FAM47E: variants seen among roughly 807,000 people sequenced by gnomAD.
FAM47E encodes the protein protein FAM47E.
FAM47E carries 32 observed loss-of-function variants against 41.6 expected under a neutral mutation model. The ratio of observed to expected loss-of-function variants is 0.77; its 90% CI spans 0.58 to 1.03. The LOEUF is 1.03. Among genes scored for constraint, FAM47E ranks in the 50% least tolerant of loss-of-function variants. FAM47E has a pLI of 0.00. For missense variants in FAM47E, 424 were observed against 485.4 expected (o/e 0.87, Z 1.19); for synonymous variants, 184 against 188.7 (o/e 0.98, Z 0.20).
intron 2 of FAM47E, among the ~76,000 whole-genome samples, chr4:76,234,136 T>G (rs1578756193): frequency 6.7e-6 from 1 of 148,986 alleles, no homozygotes; most frequent in African/African-American, 2.5e-5. Flanking sequence ...GAGGGGAGGG[T>G]GGAGGGGAGC....
At chr4:76,266,580 T>A (rs111455741) in intron 3 of FAM47E, among the ~76,000 whole-genome samples, 248 of 152,268 alleles carry the variant, frequency 1.6e-3, no homozygotes, top group African/African-American at 5.8e-3. Context: ...TACTAACTGG[T>A]CTCATGGCCT....
intron 2 of FAM47E, among the ~76,000 whole-genome samples, chr4:76,242,318 C>T (rs998035388): frequency 1.3e-5 from 2 of 152,072 alleles, no homozygotes; most frequent in Non-Finnish European, 2.9e-5. Flanking sequence ...ATGTGTGGCA[C>T]CTCCTCCCTC....
Position 76,226,106 on chromosome 4 carries a change from C to T in FAM47E, c.81+8418C>T, listed in dbSNP as rs1360740356. ...AGGTCGTGGTGGCTATGAAGTCCGA[C>T]GGAGTCAAAGGAATGAGACAAGACA... On this transcript the variant is annotated intron_variant, in intron 2 of 7. Transcript: ENST00000510197. 9.7e-5 allele frequency among the ~76,000 whole-genome samples: 8 copies of T among 82,468 alleles called. No homozygotes were observed. In the South Asian group the frequency reaches 1.2e-3, roughly 13 times the overall value. The allele number at this position is 82,468 out of a possible 152,430, so 54.1% of individuals were successfully genotyped here.
intron 1 of FAM47E, among the ~76,000 whole-genome samples, chr4:76,217,312 C>T (rs1733225855): frequency 6.6e-6 from 1 of 152,154 alleles, no homozygotes; most frequent in South Asian, 2.1e-4. Flanking sequence ...CAGGACTCTT[C>T]CTGGTGACTT....
intron 5 of FAM47E, among the ~76,000 whole-genome samples, chr4:76,277,136 G>T (rs146401676): frequency 3.9e-5 from 6 of 152,102 alleles, no homozygotes; most frequent in Admixed American, 6.5e-5. Context: ...TGAGGAATCG[G>T]GGAAAGAAGG....
chr4:76,262,369 C>G (rs1346296721), intron 2 of FAM47E, among the ~76,000 whole-genome samples: 2 of 152,140 alleles, frequency 1.3e-5, no homozygotes, highest in Admixed American at 6.5e-5. Context: ...TAATCTATCT[C>G]TCTTATACAT....
intron 5 of FAM47E, among the ~76,000 whole-genome samples, chr4:76,276,355 C>CTTTTTGTTT (rs372327970): frequency 2.0e-4 from 20 of 97,878 alleles, no homozygotes; most frequent in Admixed American, 3.2e-4. Flanking sequence ...GAGGGGGTTA[C>CTTTTTGTTT]TTTTTTTTGT....
At chr4:76,225,936 A>G (rs1007933124) in intron 2 of FAM47E, among the ~76,000 whole-genome samples, 1 of 152,190 alleles carries the variant, frequency 6.6e-6, no homozygotes, top group African/African-American at 2.4e-5. Context: ...CTCATTCTCT[A>G]TCATTGGAAT....
At chr4:76,233,584 A>G (rs1333325123) in intron 2 of FAM47E, among the ~76,000 whole-genome samples, 2 of 15,778 alleles carry the variant, frequency 1.3e-4, no homozygotes, top group African/African-American at 2.1e-4. Flanking sequence ...ACACACACAC[A>G]CGCACACACA....
rs191594829 is a variant in FAM47E at position 76,252,528 on chromosome 4, T to G, written c.74+708T>G. ...CCTTAGGCAAGTTGGTTGCTCCTTCTGGGCTCACTTTCCTAACTATAAAAT... is the reference window on the plus strand; with the variant it reads ...CCTTAGGCAAGTTGGTTGCTCCTTCGGGGCTCACTTTCCTAACTATAAAAT... On this transcript the variant is annotated intron_variant, in intron 1 of 7. Coordinates refer to ENST00000424749, the MANE Select transcript of FAM47E (RefSeq NM_001136570.3). 3.0e-3 allele frequency among the ~76,000 whole-genome samples: 453 copies of G among 152,312 alleles called. 2 individuals carry two copies. Among genetic ancestry groups the G allele is most frequent in the Non-Finnish European group, 3.6e-3 (246 of 68,026 alleles).
chr4:76,214,493 T>C (rs1191867707), intron 1 of FAM47E: 1 of 358,086 alleles, frequency 2.8e-6, no homozygotes, highest in Non-Finnish European at 5.5e-6. Context: ...CTTTTGACTG[T>C]AGGCTCAGGT....
At chr4:76,267,113 C>T (rs1734671157) in intron 3 of FAM47E, among the ~76,000 whole-genome samples, 1 of 152,190 alleles carries the variant, frequency 6.6e-6, no homozygotes, top group African/African-American at 2.4e-5. Context: ...CAGTTGTATA[C>T]TCTATGAGGA....
At chr4:76,270,130 G>T (rs1734824817) in intron 4 of FAM47E, among the ~76,000 whole-genome samples, 2 of 152,168 alleles carry the variant, frequency 1.3e-5, no homozygotes, top group African/African-American at 4.8e-5. Flanking sequence ...CTGGATCCAG[G>T]TGCTGAAATA....
intron 2 of FAM47E, among the ~76,000 whole-genome samples, chr4:76,260,457 A>G (rs1031006061): frequency 2.0e-5 from 3 of 152,166 alleles, no homozygotes; most frequent in African/African-American, 7.2e-5. Flanking sequence ...AAAATAAACA[A>G]TGGAAAAAGG....
chr4:76,267,613 A>T (rs28498588), intron 3 of FAM47E: 36,454 of 152,270 alleles, frequency 0.24, 4,805 homozygotes, highest in African/African-American at 0.34. Context: ...TTAACAGGCA[A>T]AAAGTGGCAA....
chr4:76,272,647 C>T (rs1315780990), intron 5 of FAM47E, among the ~76,000 whole-genome samples: 2 of 152,150 alleles, frequency 1.3e-5, no homozygotes, highest in Non-Finnish European at 2.9e-5. Context: ...TTTCCATTCT[C>T]CTTTCATCTT....
intron 2 of FAM47E, among the ~76,000 whole-genome samples, chr4:76,238,581 C>T (rs767654786): frequency 2.0e-5 from 3 of 152,036 alleles, no homozygotes; most frequent in African/African-American, 7.3e-5. Flanking sequence ...CAACAAGGAG[C>T]GGACTTAAAG....
upstream of FAM47E, chr4:76,251,656 A>C (rs909844092): frequency 1.5e-6 from 2 of 1,356,078 alleles, no homozygotes; most frequent in Admixed American, 7.6e-5. Flanking sequence ...AAATACCGGC[A>C]GCGGTGGTTG....
At chr4:76,266,948 T>C (rs1734662318) in intron 3 of FAM47E, among the ~76,000 whole-genome samples, 1 of 152,210 alleles carries the variant, frequency 6.6e-6, no homozygotes, top group South Asian at 2.1e-4. Context: ...TTCTTTTGGG[T>C]CTTTGGTCAA....
Sources: allele counts gnomAD v4.1 joint callset (sites outside exome capture counted in the v4.1 genomes callset), GRCh38; gene constraint gnomAD v4.1.1; transcripts MANE v1.5; gene names NCBI Gene and HGNC (gene_info 2026-07-23, HGNC 2026-07-21).